Variants in PLB1 observed in about 807,000 individuals in gnomAD.
PLB1 encodes phospholipase B1.
A neutral mutation model predicts 227.4 loss-of-function variants in PLB1; 242 were observed. The observed-to-expected ratio is 1.06, with a 90% CI of 0.96 to 1.18. The LOEUF (loss-of-function observed/expected upper bound fraction) is 1.18, where lower values mean the gene tolerates loss of function less well. Ranked by LOEUF, PLB1 falls within the 50% of genes most tolerant of loss-of-function variation. PLB1 has a pLI of 0.00. For missense variants in PLB1, 1,858 were observed against 1,816.3 expected (o/e 1.02, Z -0.42); for synonymous variants, 757 against 682.2 (o/e 1.11, Z -1.71).
intron 4 of PLB1, among the ~76,000 whole-genome samples, chr2:28,520,944 C>T (rs906546758): frequency 5.3e-5 from 8 of 152,084 alleles, no homozygotes; most frequent in Admixed American, 2.0e-4. Context: ...CATTGCACTC[C>T]GGCCTGGGAA....
At chr2:28,562,816 G>A (rs1676278593) in intron 17 of PLB1, among the ~76,000 whole-genome samples, 1 of 152,022 alleles carries the variant, frequency 6.6e-6, no homozygotes, top group African/African-American at 2.4e-5. Context: ...TCCTGTTCCT[G>A]TGTCCAGGTG....
Position 28,592,676 on chromosome 2 carries a change from C to G in PLB1, c.2204C>G (p.Pro735Arg). ...GTCTTTCCAGTGCATGCCCTGAGAC[C>G]TGCAGACATCCAAGTTGTGGCTGCT... ...LHPTSVHALR[P>R]ADIQVVAALG... is the part of the protein sequence containing the mutation. Residue 735 changes from proline to arginine, a missense_variant, in exon 32 of 58, where the codon CCT (proline) becomes CGT (arginine). Coordinates refer to ENST00000327757, the MANE Select transcript of PLB1 (RefSeq NM_153021.5). The G allele has an allele frequency of 6.2e-7, 1 of 1,614,144 alleles. No individual in the cohort carries two copies. The highest frequency in any genetic ancestry group is 8.5e-7 in the Non-Finnish European group (1 of 1,180,018).
intron 1 of PLB1, among the ~76,000 whole-genome samples, chr2:28,507,104 A>G (rs1667718602): frequency 6.6e-6 from 1 of 152,076 alleles, no homozygotes; most frequent in African/African-American, 2.4e-5. Flanking sequence ...GTGAAGCTAG[A>G]GCTGCTGCTG....
At chr2:28,608,565 T>C (rs1381969639) in intron 43 of PLB1, among the ~76,000 whole-genome samples, 1 of 152,208 alleles carries the variant, frequency 6.6e-6, no homozygotes, top group Non-Finnish European at 1.5e-5. Flanking sequence ...TCTGTTGTAG[T>C]TTCAAGTTGG....
chr2:28,565,398 A>T, intron 19 of PLB1, 45 bp downstream of exon 19: 1 of 1,531,238 alleles, frequency 6.5e-7, no homozygotes, highest in Non-Finnish European at 8.9e-7. Flanking sequence ...TTCATTGCAG[A>T]GCAAGGGAAG....
chr2:28,522,585 G>C (rs1191722678), intron 4 of PLB1, among the ~76,000 whole-genome samples: 2 of 152,152 alleles, frequency 1.3e-5, no homozygotes, highest in Non-Finnish European at 2.9e-5. Flanking sequence ...CCTTCTGCCT[G>C]GGGCAGGGAA....
intron 17 of PLB1, among the ~76,000 whole-genome samples, chr2:28,556,322 C>T (rs1452388915): frequency 6.6e-6 from 1 of 152,184 alleles, no homozygotes; most frequent in East Asian, 1.9e-4. Flanking sequence ...GTGCCTCATT[C>T]TGAGTACACT....
Position 28,604,741 on chromosome 2 carries a change from C to T in PLB1, c.2943C>T (p.Ile981=). The part of the protein sequence containing the change: ...SVVLQPFFQN[I]QLPVLADGLP... ...TGCTGCAGCCCTTCTTCCAGAACAT[C>T]CAGCTCCCTGTCCTGGCGGTATGTC... The change falls in exon 41 of 58, where the codon ATC becomes ATT. Residue 981 remains isoleucine (I), a synonymous_variant. Transcript: ENST00000327757. 2.5e-6 allele frequency: 4 copies of T among 1,614,144 alleles called. No individual in the cohort carries two copies. Among genetic ancestry groups the T allele is most frequent in the Admixed American group, 1.7e-5 (1 of 60,024 alleles).
intron 54 of PLB1, among the ~76,000 whole-genome samples, chr2:28,631,573 C>T (rs189329521): frequency 2.6e-5 from 4 of 152,306 alleles, no homozygotes; most frequent in African/African-American, 7.2e-5. Flanking sequence ...ATCCAGCCAC[C>T]GTGGACTCTC....
chr2:28,628,004 A>G (rs1259072503), intron 51 of PLB1, among the ~76,000 whole-genome samples: 3 of 152,204 alleles, frequency 2.0e-5, no homozygotes, highest in Non-Finnish European at 4.4e-5. Flanking sequence ...CTTACTGAGC[A>G]CCTACTATGT....
At chr2:28,626,648 T>A in intron 51 of PLB1, 140 bp downstream of exon 51, 1 of 742,290 alleles carries the variant, frequency 1.3e-6, no homozygotes, top group Admixed American at 2.3e-5. Flanking sequence ...AGGCCCTCCC[T>A]GGTTTACACA....
chr2:28,543,218 C>T lies in PLB1; in HGVS notation c.886C>T (p.Pro296Ser), dbSNP rs752647702. The change falls in exon 14 of 58, where the codon CCC (proline) becomes TCC (serine). Residue 296 changes from proline to serine, a missense_variant. By Grantham distance (74) the Pro-to-Ser change is moderately conservative. Coordinates refer to ENST00000327757, the MANE Select transcript of PLB1 (RefSeq NM_153021.5). Reference sequence around the variant, plus strand: ...TCAACTGGTTCTCTTTTAGGAGGACCCCCGACTCCAGGATTCTACCACGCT... The same window carrying T: ...TCAACTGGTTCTCTTTTAGGAGGACTCCCGACTCCAGGATTCTACCACGCT... ...ETTPSLHSED[P>S]RLQDSTTLAW... 6.2e-7 allele frequency: 1 copy of T among 1,610,446 alleles called. No homozygotes were observed. The highest frequency in any genetic ancestry group is 8.5e-7 in the Non-Finnish European group (1 of 1,178,612).
intron 4 of PLB1, among the ~76,000 whole-genome samples, chr2:28,523,343 T>G (rs1669788924): frequency 6.6e-6 from 1 of 151,154 alleles, no homozygotes; most frequent in South Asian, 2.1e-4. Flanking sequence ...AGGTTTTTTT[T>G]TTTTTTTTTT....
chr2:28,550,527 T>G (rs1259504964), intron 16 of PLB1, among the ~76,000 whole-genome samples: 1 of 59,044 alleles, frequency 1.7e-5, no homozygotes, highest in Non-Finnish European at 5.2e-5. Context: ...TCAATACAAT[T>G]TTTTTTTTTT....
intron 6 of PLB1, among the ~76,000 whole-genome samples, chr2:28,526,529 T>A (rs900420511): frequency 1.3e-5 from 2 of 152,340 alleles, no homozygotes; most frequent in Non-Finnish European, 1.5e-5. Context: ...TATCATAATT[T>A]AGTTTTTTTA....
At chr2:28,529,482 G>A (rs1558678863) in intron 7 of PLB1, 75 bp downstream of exon 7, 5 of 1,291,700 alleles carry the variant, frequency 3.9e-6, no homozygotes, top group Non-Finnish European at 5.6e-6. Context: ...GAGGATTTGG[G>A]GGGCTGGCAA....
intron 40 of PLB1, 30 bp from the exon 41 acceptor site, chr2:28,604,618 AGGGCCTG>A (rs747662677): frequency 1.3e-6 from 2 of 1,588,654 alleles, no homozygotes; most frequent in Non-Finnish European, 1.7e-6. Context: ...GGGCCCACCC[AGGGCCTG>A]GGCTGAAGAC....
At position 28,624,818 on chromosome 2, in the gene PLB1, G is replaced by A. The variant is rs148765973; in HGVS notation, c.3528-239G>A. On this transcript the variant is annotated intron_variant, in intron 49 of 57. Transcript: ENST00000327757. ...GGAAAGTCCTGAGGGGAGGCTTGAC[G>A]GGATCCCAACCCGAGTGGCCGATGA... is the stretch of plus-strand genomic sequence containing the variant. Among the ~76,000 whole-genome samples the A allele has an allele frequency of 5.5e-4, 84 of 152,288 alleles. 2 individuals are homozygous for A. The highest frequency in any genetic ancestry group is 5.4e-3 in the South Asian group (26 of 4,826).
chr2:28,624,815 G>A (rs1299412755), intron 49 of PLB1, among the ~76,000 whole-genome samples: 6 of 152,160 alleles, frequency 3.9e-5, no homozygotes, highest in African/African-American at 1.2e-4. Flanking sequence ...GGGGAGGCTT[G>A]ACGGGATCCC....
Sources: allele counts gnomAD v4.1 joint callset (sites outside exome capture counted in the v4.1 genomes callset), GRCh38; gene constraint gnomAD v4.1.1; transcripts MANE v1.5; gene names NCBI Gene and HGNC (gene_info 2026-07-23, HGNC 2026-07-21).